MAF: variants seen among roughly 807,000 people sequenced by gnomAD.
MAF encodes the protein transcription factor Maf.
In MAF, 10 loss-of-function variants were observed where a neutral mutation model predicts 22.0. That is an observed-to-expected ratio of 0.45 (90% CI 0.28 to 0.77). The LOEUF (loss-of-function observed/expected upper bound fraction) is 0.77. MAF is among the 30% of genes least tolerant of loss of function. The pLI, the probability that MAF is intolerant of heterozygous loss-of-function variation, is 0.12. For synonymous variants in MAF, 337 were observed against 255.8 expected, an observed-to-expected ratio of 1.32 and a Z score of -3.03; for missense variants, 544 against 548.4, an observed-to-expected ratio of 0.99 and a Z score of 0.08.
chr16:79,529,166 C>T, the MAF span, among the ~76,000 whole-genome samples: 43 of 152,330 alleles, frequency 2.8e-4, no homozygotes, highest in Non-Finnish European at 5.9e-4. Context: ...AAATTACACA[C>T]TGGAACTCAT....
chr16:79,303,698 T>C, the MAF span, among the ~76,000 whole-genome samples: 1 of 152,208 alleles, frequency 6.6e-6, no homozygotes, highest in African/African-American at 2.4e-5. Context: ...AGAAGGGTTC[T>C]GAGGCACACC....
chr16:79,524,907 C>G, the MAF span, among the ~76,000 whole-genome samples: 3 of 152,156 alleles, frequency 2.0e-5, no homozygotes, highest in African/African-American at 7.2e-5. Context: ...GTGGCCAACA[C>G]GCACACAGAT....
chr16:79,249,819 T>G, the MAF span, among the ~76,000 whole-genome samples: 1 of 152,130 alleles, frequency 6.6e-6, no homozygotes, highest in Non-Finnish European at 1.5e-5. Context: ...TTGCTTTTTT[T>G]GTTGTTGTTT....
chr16:79,307,966 G>A, the MAF span, among the ~76,000 whole-genome samples: 3 of 152,198 alleles, frequency 2.0e-5, no homozygotes, highest in African/African-American at 7.2e-5. Context: ...ATTGGAATTT[G>A]CAAAAACAGA....
the MAF span, among the ~76,000 whole-genome samples, chr16:79,221,217 C>A: frequency 6.6e-6 from 1 of 152,166 alleles, no homozygotes; most frequent in East Asian, 1.9e-4. Flanking sequence ...GGGAATTTTA[C>A]CTGGTGTGGC....
the MAF span, among the ~76,000 whole-genome samples, chr16:79,324,108 T>C: frequency 6.6e-6 from 1 of 152,240 alleles, no homozygotes; most frequent in African/African-American, 2.4e-5. Context: ...ATGTGAATTT[T>C]GCTTTTACAT....
the MAF span, among the ~76,000 whole-genome samples, chr16:79,538,121 T>A: frequency 3.9e-5 from 6 of 152,074 alleles, no homozygotes; most frequent in African/African-American, 1.4e-4. Context: ...TCAAAAACAA[T>A]TTTGAAAAAG....
At chr16:79,542,239 A>AAGCG in the MAF span, among the ~76,000 whole-genome samples, 1 of 152,184 alleles carries the variant, frequency 6.6e-6, no homozygotes, top group African/African-American at 2.4e-5. Context: ...CAGGAAGTCC[A>AAGCG]AGCGAGCTCC....
the MAF span, among the ~76,000 whole-genome samples, chr16:79,393,107 C>T: frequency 6.6e-6 from 1 of 152,242 alleles, no homozygotes; most frequent in African/African-American, 2.4e-5. Context: ...GAAATCTATG[C>T]AGAGAGGATG....
the MAF span, among the ~76,000 whole-genome samples, chr16:79,323,619 G>A: frequency 2.6e-5 from 4 of 152,296 alleles, no homozygotes; most frequent in African/African-American, 9.6e-5. Context: ...TGCGTCTGGT[G>A]ATGGGACCGT....
the MAF span, among the ~76,000 whole-genome samples, chr16:79,249,662 T>G: frequency 2.0e-5 from 3 of 152,138 alleles, no homozygotes; most frequent in African/African-American, 7.2e-5. Context: ...AACTCCCCTC[T>G]TTAGATAATT....
chr16:79,482,544 T>A, the MAF span, among the ~76,000 whole-genome samples: 4 of 152,124 alleles, frequency 2.6e-5, no homozygotes, highest in Non-Finnish European at 5.9e-5. Flanking sequence ...TGAGGAAGTC[T>A]CCAGTCCATT....
chr16:79,525,128 C>T, the MAF span, among the ~76,000 whole-genome samples: 2 of 151,764 alleles, frequency 1.3e-5, no homozygotes, highest in East Asian at 3.8e-4. Context: ...TTTTTTTTTC[C>T]CTGTGAGCTA....
the MAF span, among the ~76,000 whole-genome samples, chr16:79,542,684 G>C: frequency 1.3e-4 from 20 of 152,306 alleles, no homozygotes; most frequent in Middle Eastern, 3.4e-3. Flanking sequence ...TCTGGGGCTC[G>C]TGCACTGATG....
chr16:79,471,297 C>T, the MAF span, among the ~76,000 whole-genome samples: 10 of 152,210 alleles, frequency 6.6e-5, no homozygotes, highest in Admixed American at 2.0e-4. Flanking sequence ...ATGAAGAGCA[C>T]GACAGAACCC....
At chr16:79,485,789 C>T in the MAF span, among the ~76,000 whole-genome samples, 1 of 152,174 alleles carries the variant, frequency 6.6e-6, no homozygotes, top group Admixed American at 6.5e-5. Flanking sequence ...AGCACACAGA[C>T]TCGGTGTCTT....
chr16:79,244,872 T>C, the MAF span, among the ~76,000 whole-genome samples: 7 of 151,934 alleles, frequency 4.6e-5, no homozygotes, highest in South Asian at 2.1e-4. Context: ...AACAGACATA[T>C]AGATTAATGG....
chr16:79,556,594 C>A, the MAF span, among the ~76,000 whole-genome samples: 4 of 152,148 alleles, frequency 2.6e-5, no homozygotes, highest in Non-Finnish European at 5.9e-5. Flanking sequence ...ATATATAACA[C>A]AAATTATGGG....
chr16:79,400,546 A>G, the MAF span, among the ~76,000 whole-genome samples: 2 of 152,224 alleles, frequency 1.3e-5, no homozygotes, highest in South Asian at 4.1e-4. Context: ...GCATCACGTC[A>G]TTTGTTTCCC....
Sources: allele counts gnomAD v4.1 joint callset (sites outside exome capture counted in the v4.1 genomes callset), GRCh38; gene constraint gnomAD v4.1.1; transcripts MANE v1.5; gene names NCBI Gene and HGNC (gene_info 2026-07-23, HGNC 2026-07-21).